UTY: variants seen among roughly 807,000 people sequenced by gnomAD.
UTY encodes histone demethylase UTY.
In UTY, 12 loss-of-function variants were observed where a neutral mutation model predicts 32.5. The observed-to-expected ratio is 0.37, with a 90% CI of 0.24 to 0.60. The LOEUF (loss-of-function observed/expected upper bound fraction) is 0.60. Among genes scored for constraint, UTY ranks in the 20% least tolerant of loss-of-function variants. UTY has a pLI of 0.69. For missense variants in UTY, 303 were observed against 299.2 expected (o/e 1.01, Z -0.09); for synonymous variants, 131 against 103.4 (o/e 1.27, Z -1.62).
intron 4 of UTY, among the ~76,000 whole-genome samples, chrY:13,417,916 C>T: frequency 3.0e-5 from 1 of 32,997 alleles, no homozygotes; most frequent in Non-Finnish European, 7.5e-5. Context: ...ATGATGAGCA[C>T]CCAATTTTCT....
chrY:13,342,650 G>T (rs2061577578), intron 17 of UTY, among the ~76,000 whole-genome samples: 1 of 34,560 alleles, frequency 2.9e-5, no homozygotes, highest in East Asian at 7.7e-4. Context: ...ATGCCACGAA[G>T]TGGCCGCTGT....
rs2058078973 is a variant in UTY at position 13,297,185 on chromosome Y, T to C, written c.4010+522A>G. The stretch of plus-strand genomic sequence containing the variant: ...CAGCATCTGCTTCTGGTGAGGGCTT[T>C]GGAAGGGGAAGGGGAACTGGTACAT... On this transcript the variant is annotated intron_variant, in intron 27 of 29. Coordinates refer to ENST00000545955, the MANE Select transcript of UTY (RefSeq NM_001258249.2). 1.2e-4 allele frequency among the ~76,000 whole-genome samples: 4 copies of C among 33,254 alleles called. No homozygotes were observed. In the South Asian group the frequency reaches 2.7e-3, roughly 22 times the overall value. The allele number at this position is 33,254 out of a possible 37,273, so 89.2% of individuals were successfully genotyped here. A position where few individuals can be genotyped will look rare whatever the true frequency, so the allele number is the denominator to read the frequency against.
intron 8 of UTY, among the ~76,000 whole-genome samples, chrY:13,383,769 C>T: frequency 3.0e-5 from 1 of 32,806 alleles, no homozygotes; most frequent in African/African-American, 1.2e-4. Context: ...ATCCATACAT[C>T]AATAATCCCC....
intron 18 of UTY, among the ~76,000 whole-genome samples, chrY:13,327,955 C>T (rs1603407404): frequency 3.0e-5 from 1 of 33,778 alleles, no homozygotes; most frequent in South Asian, 6.5e-4. Context: ...ATGCAGGGTG[C>T]GGTGGCTCAC....
At chrY:13,471,762 A>C in intron 2 of UTY, among the ~76,000 whole-genome samples, 3 of 31,124 alleles carry the variant, frequency 9.6e-5, no homozygotes, top group Non-Finnish European at 2.3e-4. Context: ...GGCAGAGGTT[A>C]CAGTGAGCCA....
chrY:13,394,386 G>A (rs2067912384), intron 7 of UTY, among the ~76,000 whole-genome samples: 1 of 33,305 alleles, frequency 3.0e-5, no homozygotes, highest in African/African-American at 1.2e-4. Flanking sequence ...TCAAATACTA[G>A]TAACAATTTG....
At chrY:13,284,457 G>A in intron 27 of UTY, among the ~76,000 whole-genome samples, 2 of 33,650 alleles carry the variant, frequency 5.9e-5, no homozygotes, top group Admixed American at 5.3e-4. Flanking sequence ...AAATGCAACA[G>A]GTTTCTCTTA....
At position 13,335,816 on chromosome Y, in the gene UTY, A is replaced by C; in HGVS notation, c.2581T>G (p.Ser861Ala). ...VHTKTDHSVASSPSSAISTAT... is the reference protein window; with the variant it reads ...VHTKTDHSVAASPSSAISTAT... ...GTGGAAATGGCTGAAGAGGGTGAAGAGGCAACAGAATGATCAGTCTTTGTA... is the reference window on the plus strand; with the variant it reads ...GTGGAAATGGCTGAAGAGGGTGAAGCGGCAACAGAATGATCAGTCTTTGTA... Residue 861 changes from serine to alanine, a missense_variant, in exon 18 of 30, where the codon TCT becomes GCT. Coordinates refer to ENST00000545955, the MANE Select transcript of UTY (RefSeq NM_001258249.2). 2.5e-6 allele frequency: 1 copy of C among 399,227 alleles called. No individual in the cohort carries two copies. Among genetic ancestry groups the C allele is most frequent in the East Asian group, 9.2e-5 (1 of 10,873 alleles).
At chrY:13,366,656 T>C (rs2064184014) in intron 9 of UTY, among the ~76,000 whole-genome samples, 1 of 33,852 alleles carries the variant, frequency 3.0e-5, no homozygotes, top group Admixed American at 2.7e-4. Context: ...ACAAATCAAA[T>C]TCTCTTTTAT....
intron 25 of UTY, among the ~76,000 whole-genome samples, chrY:13,302,542 C>T: frequency 6.1e-5 from 2 of 33,002 alleles, no homozygotes; most frequent in Non-Finnish European, 1.5e-4. Flanking sequence ...AGGCTCATCT[C>T]AGTATCCTGA....
intron 10 of UTY, among the ~76,000 whole-genome samples, chrY:13,361,979 G>A (rs2063585389): frequency 3.0e-5 from 1 of 33,089 alleles, no homozygotes; most frequent in African/African-American, 1.2e-4. Flanking sequence ...ATGTAACAGC[G>A]ACAGACACCA....
chrY:13,277,354 C>A, intron 27 of UTY, among the ~76,000 whole-genome samples: 1 of 33,422 alleles, frequency 3.0e-5, no homozygotes, highest in Non-Finnish European at 7.4e-5. Context: ...ATAAAGGACA[C>A]TCCAGTTATC....
intron 27 of UTY, among the ~76,000 whole-genome samples, chrY:13,267,615 T>C (rs2055936117): frequency 2.9e-5 from 1 of 33,991 alleles, no homozygotes; most frequent in Admixed American, 2.6e-4. Flanking sequence ...GTGTCGATGG[T>C]CTACAGAATT....
intron 11 of UTY, among the ~76,000 whole-genome samples, 176 bp from the exon 12 acceptor site, chrY:13,360,162 C>T: frequency 3.1e-5 from 1 of 32,193 alleles, no homozygotes. Context: ...CAGACTCCTG[C>T]GTACCTGGGC....
chrY:13,475,755 A>AG (rs2078989079), intron 2 of UTY, among the ~76,000 whole-genome samples: 1 of 33,978 alleles, frequency 2.9e-5, no homozygotes. Flanking sequence ...GGCTGGATGC[A>AG]GTGGCTCACT....
chrY:13,376,310 A>AT (rs2065385247), intron 8 of UTY, among the ~76,000 whole-genome samples: 1 of 33,240 alleles, frequency 3.0e-5, no homozygotes, highest in Non-Finnish European at 7.4e-5. Context: ...AAATATAAGT[A>AT]TTTTTTTCAC....
chrY:13,384,662 C>CA (rs2066512207), intron 8 of UTY, among the ~76,000 whole-genome samples: 2 of 32,301 alleles, frequency 6.2e-5, no homozygotes, highest in Non-Finnish European at 1.5e-4. Context: ...GACCAAATCT[C>CA]AAAAAATATT....
chrY:13,294,539 A>G, intron 27 of UTY, among the ~76,000 whole-genome samples: 2 of 34,401 alleles, frequency 5.8e-5, no homozygotes, highest in African/African-American at 2.3e-4. Context: ...GTTAAATGAA[A>G]TAAATAAGAC....
chrY:13,341,596 G>A, intron 17 of UTY, among the ~76,000 whole-genome samples: 1 of 32,992 alleles, frequency 3.0e-5, no homozygotes, highest in Non-Finnish European at 7.5e-5. Context: ...AGTCAGACAC[G>A]GATTTAATTA....
Sources: gnomAD v4.1 joint callset for allele counts (sites outside exome capture counted in the v4.1 genomes callset) on GRCh38, gnomAD v4.1.1 for gene constraint, MANE v1.5 for transcripts, NCBI Gene and HGNC (gene_info 2026-07-23, HGNC 2026-07-21) for gene names.